The following MYH13 variants were observed in gnomAD, a reference collection of about 807,000 sequenced individuals.
The protein encoded by MYH13 is myosin heavy chain 13.
Under a neutral mutation model 232.1 loss-of-function variants are expected in MYH13, and 177 were observed. The observed-to-expected ratio is 0.76, with a 90% CI of 0.67 to 0.86. The LOEUF is 0.86. MYH13 is among the 40% of genes least tolerant of loss of function. The pLI is 0.00. For synonymous variants in MYH13, 884 were observed against 923.5 expected, an observed-to-expected ratio of 0.96 and a Z score of 0.78; for missense variants, 2,246 against 2,405.9, an observed-to-expected ratio of 0.93 and a Z score of 1.39.
At position 10,333,122 on chromosome 17, in the gene MYH13, C is replaced by A. The variant is rs931730352; in HGVS notation, c.2126G>T (p.Cys709Phe). ...CNGVLEGIRI[C>F]RKGFPSRILY... ...GATCCGGCTGGGGAATCCCTTCCTGCAAATCCGGATGCCCTCGAGGACCCC... is the reference window on the plus strand; with the variant it reads ...GATCCGGCTGGGGAATCCCTTCCTGAAAATCCGGATGCCCTCGAGGACCCC... The change falls in exon 19 of 41, where the codon TGC (cysteine) becomes TTC (phenylalanine). Residue 709 changes from cysteine (C) to phenylalanine (F), a missense_variant. Cys to Phe is a radical substitution (Grantham distance 205). Coordinates refer to ENST00000252172, the MANE Select transcript of MYH13 (RefSeq NM_003802.3). 1.3e-6 allele frequency: 2 copies of A among 1,551,824 alleles called. No homozygotes were observed. The highest frequency in any genetic ancestry group is 1.7e-4 in the Middle Eastern group (1 of 5,992).
intron 8 of MYH13, 70 bp from the exon 9 acceptor site, chr17:10,355,217 G>T: frequency 7.0e-7 from 1 of 1,435,604 alleles, no homozygotes; most frequent in South Asian, 1.2e-5. Flanking sequence ...GCCTTAGATA[G>T]GTGCTGCCAC....
At chr17:10,333,966 C>T (rs531113717) in intron 18 of MYH13, among the ~76,000 whole-genome samples, 7 of 150,754 alleles carry the variant, frequency 4.6e-5, no homozygotes, top group East Asian at 1.9e-4. Context: ...GAAGGTAGGG[C>T]GGCGGTCATC....
rs764401228 is a variant in MYH13, at chr17:10,362,504, C to G, written c.205-1G>C. 1 of 1,614,050 alleles carries G rather than the reference C, an allele frequency of 6.2e-7. No homozygotes were observed. The highest frequency in any genetic ancestry group is 8.5e-7 in the Non-Finnish European group (1 of 1,180,010). ...CCTGGTCATTGTTCAGAGTGAGCAT[C>G]TGGGTATTGAGAGGAAAAGCAGGTA... On this transcript the variant is annotated splice_acceptor_variant, in intron 3 of 40. Coordinates refer to ENST00000252172, the MANE Select transcript of MYH13 (RefSeq NM_003802.3). LOFTEE classifies it high-confidence loss of function.
intron 33 of MYH13, among the ~76,000 whole-genome samples, chr17:10,310,094 G>GTTTT (rs61271828): frequency 9.0e-4 from 119 of 132,070 alleles, no homozygotes; most frequent in Middle Eastern, 3.8e-3. Flanking sequence ...TAGGTTTTGT[G>GTTTT]TTTTTTTTTT....
chr17:10,361,860 A>G (rs1166928845), intron 5 of MYH13, among the ~76,000 whole-genome samples: 1 of 152,200 alleles, frequency 6.6e-6, no homozygotes, highest in Non-Finnish European at 1.5e-5. Context: ...CCTGGGGACA[A>G]AGGTAGGGCA....
intron 2 of MYH13, among the ~76,000 whole-genome samples, chr17:10,366,382 T>G (rs1018725548): frequency 8.7e-5 from 9 of 103,526 alleles, no homozygotes; most frequent in South Asian, 3.0e-4. Flanking sequence ...AATAAATCTG[T>G]TTTTTTTTTT....
rs61543278 is a variant in MYH13 at position 10,326,981 on chromosome 17, G to GTTTTTTTTTTTTTTTTTTTTTT, written c.2691+863_2691+884dup. Among the ~76,000 whole-genome samples the GTTTTTTTTTTTTTTTTTTTTTT allele has an allele frequency of 1.3e-4, 7 of 55,810 alleles. 3 individuals are homozygous for GTTTTTTTTTTTTTTTTTTTTTT. The highest frequency in any genetic ancestry group is 1.2e-3 in the East Asian group (2 of 1,608). 36.6% of individuals were successfully genotyped at this position (55,810 alleles called of 152,430 possible). ...GAGACATGCACCACCATGCCTACTA[G>GTTTTTTTTTTTTTTTTTTTTTT]TTTTTTTTTTTTTTTTTTTTTTTTT... On this transcript the variant is annotated intron_variant, in intron 22 of 40. Coordinates refer to ENST00000252172, the MANE Select transcript of MYH13 (RefSeq NM_003802.3).
chr17:10,324,392 G>A (rs370063426), intron 22 of MYH13, 128 bp from the exon 23 acceptor site: 74 of 1,010,532 alleles, frequency 7.3e-5, no homozygotes, highest in East Asian at 6.0e-4. Flanking sequence ...ACACATGCAC[G>A]CACATGTGCA....
In MYH13 at chr17:10,310,658, T is replaced by C. The variant is rs186135141; in HGVS notation, c.4656+445A>G. ...AATGACAGGGCAACTGCTCTCCTGT[T>C]ATCCTGTGTCGGTTCGTATTTCCCT... On this transcript the variant is annotated intron_variant, in intron 33 of 40. Transcript: ENST00000252172. Among the ~76,000 whole-genome samples, 6 of 152,306 alleles carry C rather than the reference T, an allele frequency of 3.9e-5. No homozygotes were observed. The East Asian group carries it at 1.2e-3, about 29-fold the overall frequency.
In MYH13 at chr17:10,320,204, A is replaced by G. The variant is rs1567659655; in HGVS notation, c.3297T>C (p.Asp1099=). The change falls in exon 26 of 41, where the codon GAT becomes GAC. Residue 1099 remains aspartate (D), a synonymous_variant. Transcript: ENST00000252172. ...FELSQLQAKI[D]DEQVHSLQFQ... is the part of the protein sequence containing the mutation. The stretch of plus-strand genomic sequence containing the variant: ...ACTGCAAACTGTGGACTTGTTCGTC[A>G]TCTATTTTGGCTTGTAACTGACTGA... 3 of 1,605,234 alleles carry G rather than the reference A, an allele frequency of 1.9e-6. No individual in the cohort carries two copies. The highest frequency in any genetic ancestry group is 1.1e-5 in the South Asian group (1 of 89,440).
chr17:10,345,435 A>T, intron 14 of MYH13, 32 bp downstream of exon 14: 1 of 1,614,228 alleles, frequency 6.2e-7, no homozygotes. Context: ...GATTCAGCAA[A>T]GCAGACAAGA....
In MYH13 at chr17:10,309,826, G is replaced by A. The variant is rs1457763442; in HGVS notation, c.4661C>T (p.Ser1554Phe). Reference sequence around the variant, plus strand: ...GATCTTGCTCTCCTCGTGTTCCAAGGAACCCTGACGAAAGCAAAGGAGTGA... The same window carrying A: ...GATCTTGCTCTCCTCGTGTTCCAAGAAACCCTGACGAAAGCAAAGGAGTGA... The part of the protein sequence containing the change: ...LQVALEEVEG[S>F]LEHEESKILR... Residue 1554 changes from serine to phenylalanine, a missense_variant, in exon 34 of 41, where the codon TCC becomes TTC. Ser to Phe is a radical substitution (Grantham distance 155). Coordinates refer to ENST00000252172, the MANE Select transcript of MYH13 (RefSeq NM_003802.3). 1.6e-5 allele frequency: 25 copies of A among 1,564,174 alleles called. No individual in the cohort carries two copies. Among genetic ancestry groups the A allele is most frequent in the Non-Finnish European group, 2.1e-5 (24 of 1,152,964 alleles).
chr17:10,326,241 C>T (rs1907192700), intron 22 of MYH13, among the ~76,000 whole-genome samples: 1 of 152,204 alleles, frequency 6.6e-6, no homozygotes, highest in Admixed American at 6.5e-5. Context: ...GGGATAGAAA[C>T]CCAGTTATCT....
chr17:10,305,921 A>G (rs2051521930), intron 37 of MYH13, among the ~76,000 whole-genome samples: 1 of 152,194 alleles, frequency 6.6e-6, no homozygotes, highest in Non-Finnish European at 1.5e-5. Context: ...AGCAAGAGAC[A>G]TACCTGTGCC....
chr17:10,351,092 G>A (rs972567189), intron 11 of MYH13, among the ~76,000 whole-genome samples: 6 of 151,792 alleles, frequency 4.0e-5, no homozygotes, highest in Non-Finnish European at 7.4e-5. Flanking sequence ...ATGGTGGCTG[G>A]CACCTGTAGT....
At chr17:10,345,139 C>G (rs1367740145) in intron 15 of MYH13, 63 bp downstream of exon 15, 1 of 1,612,878 alleles carries the variant, frequency 6.2e-7, no homozygotes, top group African/African-American at 1.3e-5. Context: ...AGAAAAGAAT[C>G]AGAGCAAGAA....
chr17:10,313,016 C>T (rs997891044), intron 30 of MYH13, 142 bp downstream of exon 30: 2 of 1,386,826 alleles, frequency 1.4e-6, no homozygotes, highest in Non-Finnish European at 2.0e-6. Flanking sequence ...AGGGAGACCC[C>T]CAGAGGGTGG....
intron 7 of MYH13, among the ~76,000 whole-genome samples, chr17:10,359,688 T>C (rs2071776619): frequency 6.6e-6 from 1 of 152,166 alleles, no homozygotes; most frequent in South Asian, 2.1e-4. Context: ...CTTGTGTGAT[T>C]TGATGCTTTC....
Position 10,303,217 on chromosome 17 carries a change from G to A in MYH13, c.5646C>T (p.Tyr1882=). 6.2e-7 allele frequency: 1 copy of A among 1,613,524 alleles called. No homozygotes were observed. The highest frequency in any genetic ancestry group is 8.5e-7 in the Non-Finnish European group (1 of 1,180,002). ...TTACCGCCTCCTCAGCCTGCCTCTT[G>A]TAAGACTTCACTTTGGCCTGCAGCT... ...VDKLQAKVKS[Y]KRQAEEAEEQ... is the part of the protein sequence containing the mutation. The change falls in exon 39 of 41, where the codon TAC becomes TAT. Residue 1882 remains tyrosine, a synonymous_variant. Transcript: ENST00000252172.
Sources: gnomAD v4.1 joint callset for allele counts (sites outside exome capture counted in the v4.1 genomes callset) on GRCh38, gnomAD v4.1.1 for gene constraint, MANE v1.5 for transcripts, NCBI Gene and HGNC (gene_info 2026-07-23, HGNC 2026-07-21) for gene names.